Variants in TMPRSS11E observed in about 807,000 individuals in gnomAD.
The protein encoded by TMPRSS11E is transmembrane protease serine 11E.
TMPRSS11E carries 38 observed loss-of-function variants against 48.1 expected under a neutral mutation model. That is an observed-to-expected ratio of 0.79 (90% CI 0.61 to 1.04). The LOEUF (loss-of-function observed/expected upper bound fraction) is 1.04. TMPRSS11E is among the 50% of genes least tolerant of loss of function. The pLI is 0.00. For synonymous variants in TMPRSS11E, 158 were observed against 171.9 expected, an observed-to-expected ratio of 0.92 and a Z score of 0.63; for missense variants, 530 against 510.8, an observed-to-expected ratio of 1.04 and a Z score of -0.36.
chr4:68,476,990 T>G (rs1729236778), intron 7 of TMPRSS11E, among the ~76,000 whole-genome samples: 3 of 152,304 alleles, frequency 2.0e-5, no homozygotes, highest in Admixed American at 1.3e-4. Flanking sequence ...TAAATTATTG[T>G]GTGGACTTTT....
At chr4:68,460,413 C>T (rs1728756153) in intron 1 of TMPRSS11E, among the ~76,000 whole-genome samples, 1 of 152,162 alleles carries the variant, frequency 6.6e-6, no homozygotes, top group African/African-American at 2.4e-5. Context: ...TCCCAAAGTG[C>T]TTTAGACGGA....
At position 68,476,275 on chromosome 4, in the gene TMPRSS11E, A is replaced by G; in HGVS notation, c.544A>G (p.Arg182Gly). ...SYLNHCCGTR[R>G]SKTLGQSLRI... ...CTCTTTTGCAGGCTGCGGAACACGA[A>G]GAAGTAAAACTCTAGGTCAGAGTCT... The change falls in exon 7 of 10, where the codon AGA becomes GGA. Residue 182 changes from arginine (R) to glycine (G), a missense_variant. Arg to Gly is a moderately radical substitution (Grantham distance 125). Coordinates refer to ENST00000305363, the MANE Select transcript of TMPRSS11E (RefSeq NM_014058.4). 1.2e-6 allele frequency: 2 copies of G among 1,614,118 alleles called. No homozygotes were observed. Among genetic ancestry groups the G allele is most frequent in the East Asian group, 2.2e-5 (1 of 44,880 alleles).
chr4:68,474,752 C>A lies in TMPRSS11E; in HGVS notation c.520C>A (p.Leu174Ile), dbSNP rs1172372822. 1 of 1,602,888 alleles carries A rather than the reference C, an allele frequency of 6.2e-7. No individual in the cohort carries two copies. The change falls in exon 6 of 10, where the codon CTA (leucine) becomes ATA (isoleucine). Residue 174 changes from leucine (L) to isoleucine (I), a missense_variant. Coordinates refer to ENST00000305363, the MANE Select transcript of TMPRSS11E (RefSeq NM_014058.4). The stretch of plus-strand genomic sequence containing the variant: ...CAACAAGACAGAAACAGACAGCTAT[C>A]TAAACCATTGTAAGTTTAATATATT... ...KINKTETDSYLNHCCGTRRSK... is the reference protein window; with the variant it reads ...KINKTETDSYINHCCGTRRSK...
chr4:68,480,912 A>C (rs936179571), intron 9 of TMPRSS11E, among the ~76,000 whole-genome samples: 4 of 152,136 alleles, frequency 2.6e-5, no homozygotes, highest in African/African-American at 9.7e-5. Flanking sequence ...GCAGGTAGTA[A>C]GCATAATAAC....
At chr4:68,456,497 C>T (rs1390258273) in intron 1 of TMPRSS11E, among the ~76,000 whole-genome samples, 2 of 151,834 alleles carry the variant, frequency 1.3e-5, no homozygotes, top group African/African-American at 2.4e-5. Context: ...AATCCATGCA[C>T]GTATATATGA....
intron 9 of TMPRSS11E, among the ~76,000 whole-genome samples, chr4:68,485,177 C>T (rs1020362156): frequency 1.8e-4 from 27 of 151,896 alleles, no homozygotes; most frequent in Non-Finnish European, 3.5e-4. Flanking sequence ...GACAGAGTCT[C>T]GCTTTGTCAC....
chr4:68,466,718 A>G lies in TMPRSS11E; in HGVS notation c.224A>G (p.Asn75Ser), dbSNP rs1190387042. The change falls in exon 3 of 10, where the codon AAT becomes AGT. Residue 75 changes from asparagine (N) to serine (S), a missense_variant. Physicochemically the swap from Asn to Ser is conservative, Grantham distance 46. Coordinates refer to ENST00000305363, the MANE Select transcript of TMPRSS11E (RefSeq NM_014058.4). The part of the protein sequence containing the change: ...YAEFGREASN[N>S]FTEMSQRLES... Reference sequence around the variant, plus strand: ...GAGTTTGGCAGAGAGGCTTCTAACAATTTTACAGAAATGAGCCAGAGACTT... The same window carrying G: ...GAGTTTGGCAGAGAGGCTTCTAACAGTTTTACAGAAATGAGCCAGAGACTT... 3 of 1,613,728 alleles carry G rather than the reference A, an allele frequency of 1.9e-6. No homozygotes were observed. Among genetic ancestry groups the G allele is most frequent in the Admixed American group, 3.3e-5 (2 of 59,986 alleles).
chr4:68,455,463 T>G (rs149706254), intron 1 of TMPRSS11E, among the ~76,000 whole-genome samples: 62 of 152,080 alleles, frequency 4.1e-4, no homozygotes, highest in African/African-American at 1.4e-3. Context: ...ATTTCTCATC[T>G]GTTTGAACTA....
At chr4:68,451,362 C>A (rs1554890) in intron 1 of TMPRSS11E, among the ~76,000 whole-genome samples, 2 of 151,888 alleles carry the variant, frequency 1.3e-5, no homozygotes, top group East Asian at 3.9e-4. Context: ...TTTTAAGAGG[C>A]TGAGAAAGAA....
At chr4:68,476,812 A>G (rs1729232271) in intron 7 of TMPRSS11E, among the ~76,000 whole-genome samples, 1 of 152,188 alleles carries the variant, frequency 6.6e-6, no homozygotes, top group South Asian at 2.1e-4. Flanking sequence ...GAAATTTCAC[A>G]TGGTAAGAAA....
intron 4 of TMPRSS11E, among the ~76,000 whole-genome samples, chr4:68,470,963 A>G (rs971875240): frequency 2.0e-5 from 3 of 151,880 alleles, no homozygotes; most frequent in South Asian, 4.1e-4. Context: ...TTGATTTCAT[A>G]TTTAAGACAC....
chr4:68,477,286 C>G, intron 7 of TMPRSS11E, 83 bp from the exon 8 acceptor site: 1 of 1,332,664 alleles, frequency 7.5e-7, no homozygotes, highest in Non-Finnish European at 1.0e-6. Context: ...AAAATCTACA[C>G]CTGTAGACTA....
intron 9 of TMPRSS11E, among the ~76,000 whole-genome samples, chr4:68,484,122 C>CT (rs555805557): frequency 6.6e-6 from 1 of 152,044 alleles, no homozygotes; most frequent in Non-Finnish European, 1.5e-5. Context: ...TATTAAGGCT[C>CT]TTTTTTGGTT....
intron 2 of TMPRSS11E, among the ~76,000 whole-genome samples, chr4:68,463,946 G>A (rs532326318): frequency 3.3e-5 from 5 of 152,092 alleles, no homozygotes; most frequent in African/African-American, 9.7e-5. Flanking sequence ...CTTCTCATTT[G>A]CCTCTTCCCA....
In TMPRSS11E at chr4:68,461,057, AT is replaced by A. The variant is rs916591570; in HGVS notation, c.12-759del. On this transcript the variant is annotated intron_variant, in intron 1 of 9. Coordinates refer to ENST00000305363, the MANE Select transcript of TMPRSS11E (RefSeq NM_014058.4). ...CACCATGCCCGGCTAATTTTTTTGT[AT>A]TTTTAGTAGAGACGGGGTTTCACCA... Among the ~76,000 whole-genome samples, 18 of 151,716 alleles carry A rather than the reference AT, an allele frequency of 1.2e-4. 1 individual carries two copies. The highest frequency in any genetic ancestry group is 2.4e-4 in the African/African-American group (10 of 41,354).
intron 5 of TMPRSS11E, among the ~76,000 whole-genome samples, chr4:68,472,522 C>A (rs968950142): frequency 6.6e-6 from 1 of 151,990 alleles, no homozygotes; most frequent in Admixed American, 6.6e-5. Flanking sequence ...ACTAGCCACA[C>A]TGCAAAAGCT....
intron 9 of TMPRSS11E, among the ~76,000 whole-genome samples, chr4:68,492,214 G>A (rs1729744634): frequency 6.6e-6 from 1 of 152,136 alleles, no homozygotes; most frequent in African/African-American, 2.4e-5. Context: ...AAGATGACTT[G>A]AAAATATACT....
chr4:68,447,507 T>C lies in TMPRSS11E; in HGVS notation c.-6T>C. 6.2e-7 allele frequency: 1 copy of C among 1,609,620 alleles called. No individual in the cohort carries two copies. On this transcript the variant is annotated 5_prime_UTR_variant, in exon 1 of 10. Transcript: ENST00000305363. Reference sequence around the variant, plus strand: ...CCTTCACAGGACTCTTCATTGCTGGTTGGCAATGATGTATCGGTGAGTTAG... The same window carrying C: ...CCTTCACAGGACTCTTCATTGCTGGCTGGCAATGATGTATCGGTGAGTTAG...
intron 8 of TMPRSS11E, among the ~76,000 whole-genome samples, chr4:68,478,076 G>A (rs1224915829): frequency 6.6e-6 from 1 of 151,306 alleles, no homozygotes; most frequent in Non-Finnish European, 1.5e-5. Context: ...TTTGCTCAAA[G>A]TAGTTAGGAA....
Sources: allele counts gnomAD v4.1 joint callset (sites outside exome capture counted in the v4.1 genomes callset), GRCh38; gene constraint gnomAD v4.1.1; transcripts MANE v1.5; gene names NCBI Gene and HGNC (gene_info 2026-07-23, HGNC 2026-07-21).